Variants in CCDC148 observed in about 807,000 individuals in gnomAD.
The protein encoded by CCDC148 is coiled-coil domain containing 148.
A neutral mutation model predicts 85.7 loss-of-function variants in CCDC148; 89 were observed. That is an observed-to-expected ratio of 1.04 (90% CI 0.87 to 1.24). The LOEUF is 1.24. CCDC148 is among the 50% of genes most tolerant of loss of function. The pLI, the probability that CCDC148 is intolerant of heterozygous loss-of-function variation, is 0.00. For missense variants in CCDC148, 692 were observed against 671.7 expected (o/e 1.03, Z -0.33); for synonymous variants, 230 against 213.9 (o/e 1.08, Z -0.66).
intron 9 of CCDC148, among the ~76,000 whole-genome samples, chr2:158,295,011 T>C (rs1691109690): frequency 6.6e-6 from 1 of 152,124 alleles, no homozygotes; most frequent in African/African-American, 2.4e-5. Flanking sequence ...TTCTACTAAT[T>C]AGTGGTATTG....
intron 13 of CCDC148, among the ~76,000 whole-genome samples, chr2:158,172,770 C>CCT (rs1390644819): frequency 6.6e-6 from 1 of 152,040 alleles, no homozygotes; most frequent in Non-Finnish European, 1.5e-5. Context: ...GTAGAAAATG[C>CCT]CTCCATCGAT....
chr2:158,353,366 A>T (rs1189130217), intron 2 of CCDC148, among the ~76,000 whole-genome samples: 1 of 150,628 alleles, frequency 6.6e-6, no homozygotes, highest in Non-Finnish European at 1.5e-5. Context: ...GGCTGAAAAT[A>T]AAAGGATGGA....
rs1177444406 is a variant in CCDC148 at position 158,371,446 on chromosome 2, C to T, written c.26-12876G>A. Among the ~76,000 whole-genome samples the T allele has an allele frequency of 2.6e-5, 4 of 151,890 alleles. No individual in the cohort carries two copies. In the South Asian group the frequency reaches 8.3e-4, roughly 31 times the overall value. On this transcript the variant is annotated intron_variant, in intron 1 of 13. Transcript: ENST00000283233. ...GTGGTAAGAACTAAGATTTTCAGTC[C>T]TACTTGCCTCTAACAGAAGAGCTGG...
chr2:158,184,035 C>T (rs1352799250), intron 11 of CCDC148, among the ~76,000 whole-genome samples: 1 of 152,126 alleles, frequency 6.6e-6, no homozygotes, highest in Non-Finnish European at 1.5e-5. Context: ...GGAAATTGCA[C>T]AGGAAGACAT....
intron 1 of CCDC148, among the ~76,000 whole-genome samples, chr2:158,425,553 A>G (rs1687037658): frequency 6.6e-6 from 1 of 152,160 alleles, no homozygotes; most frequent in African/African-American, 2.4e-5. Flanking sequence ...ATGATTTTAT[A>G]TTAAACCTCA....
At chr2:158,421,920 C>T (rs1686811588) in intron 1 of CCDC148, among the ~76,000 whole-genome samples, 1 of 152,000 alleles carries the variant, frequency 6.6e-6, no homozygotes, top group South Asian at 2.1e-4. Flanking sequence ...ACCACCGATC[C>T]CACAGAAATA....
chr2:158,397,567 C>A (rs1337323542), intron 1 of CCDC148, among the ~76,000 whole-genome samples: 1 of 152,112 alleles, frequency 6.6e-6, no homozygotes, highest in African/African-American at 2.4e-5. Context: ...CCTTTATATA[C>A]CAGCAAATGC....
At chr2:158,415,487 A>C (rs1343669253) in intron 1 of CCDC148, among the ~76,000 whole-genome samples, 3 of 152,202 alleles carry the variant, frequency 2.0e-5, no homozygotes, top group Non-Finnish European at 2.9e-5. Flanking sequence ...CCCAAATCTC[A>C]TGTCCTTCTC....
chr2:158,346,549 T>C (rs567468986), intron 2 of CCDC148, among the ~76,000 whole-genome samples: 1 of 152,140 alleles, frequency 6.6e-6, no homozygotes, highest in Non-Finnish European at 1.5e-5. Context: ...TTTCCTACAT[T>C]AAAAACCGCT....
chr2:158,172,880 A>C (rs550807563), intron 13 of CCDC148, among the ~76,000 whole-genome samples: 2 of 152,130 alleles, frequency 1.3e-5, no homozygotes, highest in Admixed American at 1.3e-4. Context: ...ATGAATATTA[A>C]ATGTCAACAG....
chr2:158,439,585 C>G (rs1034000861), intron 1 of CCDC148, among the ~76,000 whole-genome samples: 1 of 151,988 alleles, frequency 6.6e-6, no homozygotes, highest in East Asian at 1.9e-4. Flanking sequence ...TGTAACAAAC[C>G]TGTACGTTGT....
At chr2:158,396,167 A>G (rs1685514822) in intron 1 of CCDC148, among the ~76,000 whole-genome samples, 1 of 152,098 alleles carries the variant, frequency 6.6e-6, no homozygotes, top group African/African-American at 2.4e-5. Flanking sequence ...TAACCCTCAC[A>G]GTGTTTTGTT....
intron 2 of CCDC148, among the ~76,000 whole-genome samples, chr2:158,346,488 G>A (rs950927311): frequency 6.6e-6 from 1 of 151,988 alleles, no homozygotes; most frequent in Non-Finnish European, 1.5e-5. Flanking sequence ...GTCAATCTCC[G>A]TATTGCCTCC....
At chr2:158,225,957 G>C (rs1429723267) in intron 10 of CCDC148, among the ~76,000 whole-genome samples, 2 of 152,188 alleles carry the variant, frequency 1.3e-5, no homozygotes, top group Non-Finnish European at 2.9e-5. Flanking sequence ...ACTAAGATCA[G>C]AGCAGAACTG....
chr2:158,238,306 TAGAC>T (rs1339842443), intron 10 of CCDC148, among the ~76,000 whole-genome samples: 2 of 151,910 alleles, frequency 1.3e-5, no homozygotes, highest in Admixed American at 6.6e-5. Context: ...GGACTAGCCT[TAGAC>T]AGGAGCATGA....
chr2:158,284,373 TAATAAA>T (rs540775003), intron 9 of CCDC148, among the ~76,000 whole-genome samples: 200 of 152,238 alleles, frequency 1.3e-3, no homozygotes, highest in African/African-American at 4.7e-3. Flanking sequence ...TTATAATTAA[TAATAAA>T]AATAACAACC....
chr2:158,409,094 A>G (rs552551255), intron 1 of CCDC148, among the ~76,000 whole-genome samples: 1 of 152,156 alleles, frequency 6.6e-6, no homozygotes, highest in Non-Finnish European at 1.5e-5. Context: ...ATGTATATAT[A>G]ATTTTTTTCT....
chr2:158,288,427 C>T (rs960296031), intron 9 of CCDC148, among the ~76,000 whole-genome samples: 1 of 152,178 alleles, frequency 6.6e-6, no homozygotes, highest in African/African-American at 2.4e-5. Flanking sequence ...ACCCAGGTCA[C>T]CTCTTAAGTG....
chr2:158,182,801 A>G (rs919435563), intron 11 of CCDC148, among the ~76,000 whole-genome samples: 4 of 152,154 alleles, frequency 2.6e-5, no homozygotes, highest in Non-Finnish European at 5.9e-5. Context: ...CTGGATAGAA[A>G]ATTTTCTTTG....
Sources: allele counts gnomAD v4.1 joint callset (sites outside exome capture counted in the v4.1 genomes callset), GRCh38; gene constraint gnomAD v4.1.1; transcripts MANE v1.5; gene names NCBI Gene and HGNC (gene_info 2026-07-23, HGNC 2026-07-21).